PDLIM5: variants seen among roughly 807,000 people sequenced by gnomAD.
PDLIM5 encodes the protein PDZ and LIM domain protein 5.
Under a neutral mutation model 64.2 loss-of-function variants are expected in PDLIM5, and 34 were observed. The observed-to-expected ratio is 0.53, with a 90% CI of 0.40 to 0.71. PDLIM5 has a LOEUF of 0.71. PDLIM5 is among the 30% of genes least tolerant of loss of function. The pLI is 0.00. For synonymous variants in PDLIM5, 253 were observed against 269.1 expected (o/e 0.94, Z 0.59); for missense variants, 683 against 733.6 (o/e 0.93, Z 0.80).
At chr4:94,648,122 C>T (rs1741561687) in intron 9 of PDLIM5, among the ~76,000 whole-genome samples, 1 of 152,008 alleles carries the variant, frequency 6.6e-6, no homozygotes, top group Non-Finnish European at 1.5e-5. Context: ...AAAGATCAAA[C>T]TAAGTCCAAA....
rs116163928 is a variant in PDLIM5, at chr4:94,548,043, G to T, written c.248+24168G>T. Among the ~76,000 whole-genome samples, 571 of 152,260 alleles carry T rather than the reference G, an allele frequency of 3.8e-3. 4 individuals carry two copies. The highest frequency in any genetic ancestry group is 0.014 in the South Asian group (68 of 4,820). On this transcript the variant is annotated intron_variant, in intron 3 of 12. Coordinates refer to ENST00000317968, the MANE Select transcript of PDLIM5 (RefSeq NM_006457.5). Reference sequence around the variant, plus strand: ...CAAGTCTCTCACCATTATCGTAGTTGATATGTCTTAACATCTAGTCATTGA... The same window carrying T: ...CAAGTCTCTCACCATTATCGTAGTTTATATGTCTTAACATCTAGTCATTGA...
intron 8 of PDLIM5, among the ~76,000 whole-genome samples, chr4:94,625,573 C>T (rs997310715): frequency 2.0e-5 from 3 of 151,918 alleles, no homozygotes; most frequent in African/African-American, 7.3e-5. Flanking sequence ...CTGCCTCAGC[C>T]CCCCAAGTAG....
At chr4:94,481,767 C>A (rs567067679) in intron 2 of PDLIM5, among the ~76,000 whole-genome samples, 44 of 150,192 alleles carry the variant, frequency 2.9e-4, no homozygotes, top group African/African-American at 1.0e-3. Context: ...CGCCACCACA[C>A]CTGGCTAATT....
intron 2 of PDLIM5, among the ~76,000 whole-genome samples, chr4:94,458,609 ATTAT>A (rs1723590391): frequency 6.6e-6 from 1 of 152,142 alleles, no homozygotes; most frequent in African/African-American, 2.4e-5. Context: ...CTGATTAGGT[ATTAT>A]TATGTTGAAC....
chr4:94,495,407 A>T (rs1413040881), intron 2 of PDLIM5, among the ~76,000 whole-genome samples: 1 of 152,068 alleles, frequency 6.6e-6, no homozygotes, highest in Non-Finnish European at 1.5e-5. Context: ...TTACTTTTAA[A>T]TTTTTCTTAA....
At chr4:94,621,379 A>G (rs887268626) in intron 8 of PDLIM5, among the ~76,000 whole-genome samples, 10 of 152,174 alleles carry the variant, frequency 6.6e-5, no homozygotes, top group African/African-American at 2.2e-4. Context: ...TTTAAAGCCT[A>G]TGTATGATGA....
intron 8 of PDLIM5, among the ~76,000 whole-genome samples, chr4:94,622,521 A>G (rs554629401): frequency 1.3e-5 from 2 of 152,320 alleles, no homozygotes. Context: ...CCCGTTGTTC[A>G]TTGAGCCAGT....
intron 7 of PDLIM5, chr4:94,611,130 A>C (rs1168566018): frequency 6.5e-7 from 1 of 1,534,694 alleles, no homozygotes; most frequent in Non-Finnish European, 8.7e-7. Context: ...CCCTGTCTCC[A>C]AGCCTTTAGC....
chr4:94,642,522 G>C (rs184403888), intron 9 of PDLIM5, among the ~76,000 whole-genome samples: 13 of 152,226 alleles, frequency 8.5e-5, no homozygotes, highest in Non-Finnish European at 1.6e-4. Flanking sequence ...ATCACTTATT[G>C]CTCCCTCATC....
intron 8 of PDLIM5, among the ~76,000 whole-genome samples, chr4:94,635,642 T>C (rs185670593): frequency 4.6e-5 from 7 of 152,260 alleles, no homozygotes; most frequent in African/African-American, 1.7e-4. Flanking sequence ...AGTGTAGTTC[T>C]CCACAAAATT....
intron 5 of PDLIM5, among the ~76,000 whole-genome samples, chr4:94,580,383 T>C (rs985294585): frequency 6.6e-6 from 1 of 152,134 alleles, no homozygotes; most frequent in Non-Finnish European, 1.5e-5. Flanking sequence ...CATTCCGATG[T>C]AGTTGTGGTC....
intron 8 of PDLIM5, among the ~76,000 whole-genome samples, chr4:94,622,464 G>T (rs1216758770): frequency 6.6e-6 from 1 of 152,208 alleles, no homozygotes; most frequent in Non-Finnish European, 1.5e-5. Flanking sequence ...TACAAAATGA[G>T]AATGAATAAT....
At chr4:94,457,117 T>G (rs1164637571) in intron 2 of PDLIM5, 1 of 912,634 alleles carries the variant, frequency 1.1e-6, no homozygotes, top group East Asian at 1.2e-4. Flanking sequence ...TGTATCCAAC[T>G]TCATTTTGAA....
chr4:94,573,677 C>A, intron 4 of PDLIM5: 1 of 393,768 alleles, frequency 2.5e-6, no homozygotes. Flanking sequence ...CATCTTTATC[C>A]AAATCCTTAT....
chr4:94,641,575 C>T (rs1441560295), intron 9 of PDLIM5, among the ~76,000 whole-genome samples: 1 of 152,178 alleles, frequency 6.6e-6, no homozygotes, highest in East Asian at 1.9e-4. Flanking sequence ...ACAAAGTTCA[C>T]ACATAATCCC....
chr4:94,523,041 G>A (rs1286973747), intron 2 of PDLIM5, among the ~76,000 whole-genome samples: 1 of 152,166 alleles, frequency 6.6e-6, no homozygotes, highest in Non-Finnish European at 1.5e-5. Context: ...ACTAAATAAT[G>A]TAAACACATA....
intron 2 of PDLIM5, among the ~76,000 whole-genome samples, chr4:94,472,162 G>A (rs1021332355): frequency 1.5e-4 from 22 of 151,292 alleles, no homozygotes; most frequent in Admixed American, 3.3e-4. Context: ...ACACACACAC[G>A]CGCACACACA....
chr4:94,526,419 A>T (rs925378147), intron 3 of PDLIM5, among the ~76,000 whole-genome samples: 2 of 152,212 alleles, frequency 1.3e-5, no homozygotes, highest in Admixed American at 6.5e-5. Context: ...ATATTTCTAA[A>T]TAATAGACAT....
intron 2 of PDLIM5, among the ~76,000 whole-genome samples, chr4:94,465,641 C>G (rs1243354543): frequency 3.9e-5 from 6 of 152,122 alleles, no homozygotes; most frequent in Non-Finnish European, 7.4e-5. Context: ...AAACCCCTGA[C>G]TCCCGCCTCA....
Sources: gnomAD v4.1 joint callset for allele counts (sites outside exome capture counted in the v4.1 genomes callset) on GRCh38, gnomAD v4.1.1 for gene constraint, MANE v1.5 for transcripts, NCBI Gene and HGNC (gene_info 2026-07-23, HGNC 2026-07-21) for gene names.